Variants in RBFOX1 observed in about 807,000 individuals in gnomAD.
The protein encoded by RBFOX1 is RNA binding fox-1 homolog 1.
RBFOX1 carries 8 observed loss-of-function variants against 57.7 expected under a neutral mutation model. That is an observed-to-expected ratio of 0.14 (90% CI 0.08 to 0.25). The LOEUF is 0.25. Among genes scored for constraint, RBFOX1 ranks in the 10% least tolerant of loss-of-function variants. The pLI is 1.00. For synonymous variants in RBFOX1, 326 were observed against 222.4 expected, an observed-to-expected ratio of 1.47 and a Z score of -4.15; for missense variants, 611 against 548.5, an observed-to-expected ratio of 1.11 and a Z score of -1.14.
intron 3 of RBFOX1, among the ~76,000 whole-genome samples, chr16:6,936,716 A>G (rs1037368796): frequency 6.6e-6 from 1 of 152,152 alleles, no homozygotes; most frequent in Non-Finnish European, 1.5e-5. Context: ...TATTAAAACA[A>G]AAACTCATAC....
chr16:6,535,863 G>A (rs188806938), intron 2 of RBFOX1, among the ~76,000 whole-genome samples: 8 of 152,316 alleles, frequency 5.3e-5, no homozygotes, highest in Admixed American at 2.0e-4. Flanking sequence ...TAGTGGCAAT[G>A]TAGATTTTTT....
chr16:5,425,363 C>G (rs969979088), intron 1 of RBFOX1, among the ~76,000 whole-genome samples: 1 of 152,084 alleles, frequency 6.6e-6, no homozygotes, highest in African/African-American at 2.4e-5. Context: ...CTTGGCCTCC[C>G]AAAGCGCTGG....
intron 2 of RBFOX1, among the ~76,000 whole-genome samples, chr16:6,497,013 A>G (rs895519094): frequency 6.6e-6 from 1 of 152,224 alleles, no homozygotes; most frequent in Non-Finnish European, 1.5e-5. Context: ...GCCAAGTACT[A>G]CGAGAGGCAC....
chr16:6,048,041 C>T (rs2095513763), intron 1 of RBFOX1, among the ~76,000 whole-genome samples: 1 of 152,138 alleles, frequency 6.6e-6, no homozygotes, highest in Admixed American at 6.5e-5. Flanking sequence ...AGGCCAGGAT[C>T]TAAAATGGTT....
intron 1 of RBFOX1, among the ~76,000 whole-genome samples, chr16:5,255,550 A>G (rs1379539089): frequency 6.6e-6 from 1 of 151,432 alleles, no homozygotes; most frequent in Non-Finnish European, 1.5e-5. Flanking sequence ...TCATCTAACC[A>G]TCTATCCACC....
chr16:5,713,148 C>T (rs2051558057), intron 3 of RBFOX1, among the ~76,000 whole-genome samples: 1 of 152,208 alleles, frequency 6.6e-6, no homozygotes, highest in East Asian at 1.9e-4. Flanking sequence ...GAACTTGCTT[C>T]TGGATTTCTT....
At chr16:6,285,600 T>C (rs1186632028) in intron 1 of RBFOX1, among the ~76,000 whole-genome samples, 4 of 152,172 alleles carry the variant, frequency 2.6e-5, no homozygotes, top group Non-Finnish European at 4.4e-5. Context: ...CTTCTGCTTT[T>C]TGTTCTGGTG....
At chr16:6,918,647 C>T (rs1000709184) in intron 3 of RBFOX1, among the ~76,000 whole-genome samples, 1 of 152,124 alleles carries the variant, frequency 6.6e-6, no homozygotes, top group African/African-American at 2.4e-5. Flanking sequence ...AATGTGGTTG[C>T]TTGTCACTGA....
chr16:6,693,899 T>C lies in RBFOX1; in HGVS notation c.-16+39249T>C, dbSNP rs189919216. Among the ~76,000 whole-genome samples, 12 of 152,362 alleles carry C rather than the reference T, an allele frequency of 7.9e-5. No individual in the cohort carries two copies. The East Asian group carries it at 2.3e-3, about 29-fold the overall frequency. On this transcript the variant is annotated intron_variant, in intron 3 of 15. Transcript: ENST00000550418. Reference sequence around the variant, plus strand: ...GTGCCATATACAATGTTGGATCCTTTATGAGAATCATCTAATTGACTGTTT... The same window carrying C: ...GTGCCATATACAATGTTGGATCCTTCATGAGAATCATCTAATTGACTGTTT...
intron 3 of RBFOX1, among the ~76,000 whole-genome samples, chr16:6,889,542 C>G (rs1015404509): frequency 2.8e-4 from 43 of 152,162 alleles, no homozygotes; most frequent in Non-Finnish European, 1.5e-5. Flanking sequence ...GTTACTCACC[C>G]TGTCTTGAAT....
chr16:6,447,145 G>A (rs2153037787), intron 2 of RBFOX1, among the ~76,000 whole-genome samples: 1 of 152,186 alleles, frequency 6.6e-6, no homozygotes, highest in Admixed American at 6.5e-5. Flanking sequence ...ATGGTCTATT[G>A]GACTTTTTTT....
intron 4 of RBFOX1, among the ~76,000 whole-genome samples, chr16:7,381,757 G>C (rs1358595225): frequency 6.6e-6 from 1 of 152,206 alleles, no homozygotes; most frequent in Non-Finnish European, 1.5e-5. Flanking sequence ...TAGGCATTTG[G>C]ATACTGAATT....
At chr16:6,450,474 A>G (rs964343053) in intron 2 of RBFOX1, among the ~76,000 whole-genome samples, 3 of 151,586 alleles carry the variant, frequency 2.0e-5, no homozygotes, top group African/African-American at 4.8e-5. Context: ...TATCAACCAT[A>G]AGATTTCCTT....
chr16:5,813,048 C>T (rs2055490684), intron 3 of RBFOX1, among the ~76,000 whole-genome samples: 2 of 149,460 alleles, frequency 1.3e-5, no homozygotes, highest in African/African-American at 2.5e-5. Flanking sequence ...TGCTCTGTCA[C>T]CCCGGCTGCA....
At chr16:6,805,696 C>G (rs963040025) in intron 3 of RBFOX1, among the ~76,000 whole-genome samples, 12 of 149,782 alleles carry the variant, frequency 8.0e-5, no homozygotes, top group African/African-American at 3.1e-4. Flanking sequence ...TTATCCTTAC[C>G]ATCTTGTCCA....
chr16:6,567,501 C>T (rs1338990261), intron 2 of RBFOX1, among the ~76,000 whole-genome samples: 1 of 152,186 alleles, frequency 6.6e-6, no homozygotes, highest in African/African-American at 2.4e-5. Flanking sequence ...GCCACAGAGA[C>T]AGTCACCCTG....
At chr16:6,535,127 C>A (rs961532060) in intron 2 of RBFOX1, among the ~76,000 whole-genome samples, 3 of 152,166 alleles carry the variant, frequency 2.0e-5, no homozygotes, top group African/African-American at 7.2e-5. Context: ...TGAACAACTG[C>A]AGTTAGAGTG....
chr16:7,015,557 A>G (rs1056625544), intron 3 of RBFOX1, among the ~76,000 whole-genome samples: 1 of 152,152 alleles, frequency 6.6e-6, no homozygotes, highest in African/African-American at 2.4e-5. Flanking sequence ...ACTGCTTTGG[A>G]TAGAAGGTTG....
chr16:7,155,339 T>C (rs916910890), intron 4 of RBFOX1, among the ~76,000 whole-genome samples: 1 of 152,068 alleles, frequency 6.6e-6, no homozygotes, highest in Non-Finnish European at 1.5e-5. Context: ...CTTGTGATCC[T>C]GGCACTTTGG....
Sources: allele counts gnomAD v4.1 joint callset (sites outside exome capture counted in the v4.1 genomes callset), GRCh38; gene constraint gnomAD v4.1.1; transcripts MANE v1.5; gene names NCBI Gene and HGNC (gene_info 2026-07-23, HGNC 2026-07-21).